The following EPB41L2 variants were observed in gnomAD, a reference collection of about 807,000 sequenced individuals.
EPB41L2 encodes band 4.1-like protein 2.
In EPB41L2, 43 loss-of-function variants were observed where a neutral mutation model predicts 113.0. The observed-to-expected ratio is 0.38, with a 90% CI of 0.30 to 0.49. EPB41L2 has a LOEUF of 0.49. Among genes scored for constraint, EPB41L2 ranks in the 20% least tolerant of loss-of-function variants. The pLI is 0.95. For synonymous variants in EPB41L2, 442 were observed against 436.7 expected, an observed-to-expected ratio of 1.01 and a Z score of -0.15; for missense variants, 1,147 against 1,223.4, an observed-to-expected ratio of 0.94 and a Z score of 0.93.
At chr6:130,851,230 G>C (rs1299147105) in intron 19 of EPB41L2, among the ~76,000 whole-genome samples, 1 of 152,220 alleles carries the variant, frequency 6.6e-6, no homozygotes, top group Non-Finnish European at 1.5e-5. Context: ...AGTGGCTCAT[G>C]ATTAGCTAGA....
intron 1 of EPB41L2, among the ~76,000 whole-genome samples, chr6:130,990,704 T>C (rs1781622233): frequency 6.6e-6 from 1 of 152,192 alleles, no homozygotes; most frequent in Non-Finnish European, 1.5e-5. Flanking sequence ...GAGTGAAGGA[T>C]AGTCTGTAAA....
intron 1 of EPB41L2, among the ~76,000 whole-genome samples, chr6:131,044,019 C>CCT (rs1794942705): frequency 9.7e-6 from 1 of 103,058 alleles, no homozygotes; most frequent in African/African-American, 4.1e-5. Flanking sequence ...CTAAATAATG[C>CCT]TTTTTTTTTT....
intron 1 of EPB41L2, among the ~76,000 whole-genome samples, chr6:131,043,688 A>C (rs376345844): frequency 6.6e-6 from 1 of 152,230 alleles, no homozygotes; most frequent in Non-Finnish European, 1.5e-5. Context: ...CAAATAAGAG[A>C]CTATGAAAGA....
At chr6:130,870,625 A>G (rs1257887668) in intron 14 of EPB41L2, among the ~76,000 whole-genome samples, 2 of 152,226 alleles carry the variant, frequency 1.3e-5, no homozygotes, top group Non-Finnish European at 2.9e-5. Flanking sequence ...TATAAGCTCT[A>G]CCTATGTAGT....
chr6:130,958,468 C>CCA (rs1196001329), intron 1 of EPB41L2, among the ~76,000 whole-genome samples: 4 of 113,882 alleles, frequency 3.5e-5, no homozygotes, highest in African/African-American at 9.2e-5. Flanking sequence ...ACAACAACAA[C>CCA]AAAAAAAAAA....
chr6:131,056,976 G>C (rs963200187), intron 1 of EPB41L2, among the ~76,000 whole-genome samples: 1 of 151,984 alleles, frequency 6.6e-6, no homozygotes, highest in Non-Finnish European at 1.5e-5. Flanking sequence ...AGGTAAATGG[G>C]GGTCAACTAA....
At position 130,840,509 on chromosome 6, in the gene EPB41L2, C is replaced by A. The variant is rs1455693849; in HGVS notation, c.*95G>T. ...ATTGTTACCAGTTGTAGCATAAATT[C>A]GCTGGAATAGTGGTGTGGCATTAAG... is the stretch of plus-strand genomic sequence containing the variant. On this transcript the variant is annotated 3_prime_UTR_variant, in exon 20 of 20. Coordinates refer to ENST00000337057, the MANE Select transcript of EPB41L2 (RefSeq NM_001431.4). 1 of 151,064 alleles carries A rather than the reference C, an allele frequency of 6.6e-6. No individual in the cohort carries two copies. Among genetic ancestry groups the A allele is most frequent in the South Asian group, 2.1e-4 (1 of 4,798 alleles). 9.4% of individuals were successfully genotyped at this position (151,064 alleles called of 1,614,324 possible). A position where few individuals can be genotyped will look rare whatever the true frequency, so the allele number is the denominator to read the frequency against.
intron 10 of EPB41L2, among the ~76,000 whole-genome samples, chr6:130,894,115 G>A (rs754297943): frequency 6.6e-6 from 1 of 152,118 alleles, no homozygotes; most frequent in Non-Finnish European, 1.5e-5. Context: ...TAATGCATCT[G>A]CCACATTCCC....
chr6:130,867,359 T>G (rs923508816), intron 16 of EPB41L2, 100 bp downstream of exon 16: 12 of 1,482,670 alleles, frequency 8.1e-6, no homozygotes, highest in East Asian at 2.3e-5. Flanking sequence ...AAAAGCTACA[T>G]CAAAGCCAGA....
chr6:130,844,948 A>G (rs892817493), intron 19 of EPB41L2, among the ~76,000 whole-genome samples: 3 of 152,200 alleles, frequency 2.0e-5, no homozygotes, highest in African/African-American at 7.2e-5. Flanking sequence ...GGGCTGAGGC[A>G]GGAGAATCGC....
chr6:131,041,036 G>A (rs1039561208), intron 1 of EPB41L2, among the ~76,000 whole-genome samples: 9 of 152,312 alleles, frequency 5.9e-5, no homozygotes, highest in African/African-American at 2.2e-4. Context: ...TGACTTAAGT[G>A]ACATAACCAT....
chr6:130,890,437 G>A lies in EPB41L2; in HGVS notation c.1517C>T (p.Ala506Val). The change falls in exon 11 of 20, where the codon GCC becomes GTC. Residue 506 changes from alanine to valine, a missense_variant. Ala to Val is a moderately conservative substitution (Grantham distance 64). Transcript: ENST00000337057. Reference protein sequence around the residue: ...RLVSPEQPPKAKFLTLGSKFR... With the variant: ...RLVSPEQPPKVKFLTLGSKFR... ...TTTGGACCCCAAGGTCAGGAACTTG[G>A]CTTTTGGTGGCTGCTCTGGAGAAAC... 1 of 1,611,444 alleles carries A rather than the reference G, an allele frequency of 6.2e-7. No individual in the cohort carries two copies. The highest frequency in any genetic ancestry group is 8.5e-7 in the Non-Finnish European group (1 of 1,179,478).
intron 1 of EPB41L2, among the ~76,000 whole-genome samples, chr6:130,999,815 G>GA (rs1169701395): frequency 6.6e-6 from 1 of 152,172 alleles, no homozygotes; most frequent in Non-Finnish European, 1.5e-5. Flanking sequence ...AGATATTAGA[G>GA]AATCAAAGAA....
At chr6:130,964,656 A>AAATAAT (rs879811797) in intron 1 of EPB41L2, among the ~76,000 whole-genome samples, 1 of 151,728 alleles carries the variant, frequency 6.6e-6, no homozygotes, top group African/African-American at 2.4e-5. Flanking sequence ...TTGTTTACTA[A>AAATAAT]AATAATAATA....
chr6:130,953,477 T>G (rs1311728572), intron 3 of EPB41L2, among the ~76,000 whole-genome samples: 1 of 151,976 alleles, frequency 6.6e-6, no homozygotes, highest in African/African-American at 2.4e-5. Context: ...TGAGAACACT[T>G]GGACACAGGA....
chr6:130,970,482 A>C (rs1705605223), intron 1 of EPB41L2: 1 of 152,212 alleles, frequency 6.6e-6, no homozygotes, highest in African/African-American at 2.4e-5. Flanking sequence ...TAGAAAATGC[A>C]CATGGGTCAA....
intron 3 of EPB41L2, among the ~76,000 whole-genome samples, chr6:130,929,501 A>C (rs1164250595): frequency 6.6e-6 from 1 of 152,178 alleles, no homozygotes; most frequent in African/African-American, 2.4e-5. Flanking sequence ...TCCGACTCTC[A>C]GATGACTGTG....
At chr6:130,844,426 G>A (rs189419284) in intron 19 of EPB41L2, among the ~76,000 whole-genome samples, 1 of 152,136 alleles carries the variant, frequency 6.6e-6, no homozygotes, top group African/African-American at 2.4e-5. Flanking sequence ...AAAAAAATTA[G>A]CTGGGCATGG....
intron 19 of EPB41L2, among the ~76,000 whole-genome samples, chr6:130,848,545 C>T (rs1278607474): frequency 6.6e-6 from 1 of 152,108 alleles, no homozygotes; most frequent in African/African-American, 2.4e-5. Context: ...ATACTTACAA[C>T]ATATCTCAAT....
Sources: gnomAD v4.1 joint callset for allele counts (sites outside exome capture counted in the v4.1 genomes callset) on GRCh38, gnomAD v4.1.1 for gene constraint, MANE v1.5 for transcripts, NCBI Gene and HGNC (gene_info 2026-07-23, HGNC 2026-07-21) for gene names.